Variants in SYN3 observed in about 807,000 individuals in gnomAD.
The protein encoded by SYN3 is synapsin III.
Under a neutral mutation model 65.8 loss-of-function variants are expected in SYN3, and 35 were observed. That is an observed-to-expected ratio of 0.53 (90% CI 0.41 to 0.70). The LOEUF (loss-of-function observed/expected upper bound fraction) is 0.70, where lower values mean the gene tolerates loss of function less well. SYN3 is among the 30% of genes least tolerant of loss of function. The pLI is 0.00. For synonymous variants in SYN3, 270 were observed against 292.9 expected (o/e 0.92, Z 0.80); for missense variants, 680 against 749.0 (o/e 0.91, Z 1.08).
chr22:32,554,697 T>A (rs62232692), intron 7 of SYN3, among the ~76,000 whole-genome samples: 40,663 of 152,098 alleles, frequency 0.27, 5,917 homozygotes, highest in South Asian at 0.59. Flanking sequence ...GACACAGCAG[T>A]AAGAACTAGC....
rs967362093 is a variant in SYN3 at position 32,512,305 on chromosome 22, T to C, written c.*1387A>G. Among the ~76,000 whole-genome samples, 1 of 152,182 alleles carries C rather than the reference T, an allele frequency of 6.6e-6. No individual in the cohort carries two copies. The highest frequency in any genetic ancestry group is 1.5e-5 in the Non-Finnish European group (1 of 68,026). ...CTGTGGACAGCAAAAGGAAGACATG[T>C]CTCATGTTGCGAAGTGGGAGGCAAG... On this transcript the variant is annotated 3_prime_UTR_variant, in exon 14 of 14. Transcript: ENST00000358763.
At chr22:32,539,895 C>T (rs902333922) in intron 8 of SYN3, among the ~76,000 whole-genome samples, 1 of 151,864 alleles carries the variant, frequency 6.6e-6, no homozygotes, top group Non-Finnish European at 1.5e-5. Context: ...GCCTCAGGAA[C>T]GCACTGGAAT....
At chr22:32,755,545 C>T (rs905237393) in intron 6 of SYN3, among the ~76,000 whole-genome samples, 11 of 152,162 alleles carry the variant, frequency 7.2e-5, no homozygotes, top group African/African-American at 2.4e-4. Context: ...CTTTTGACTC[C>T]GAGCTCAGCG....
Position 32,864,955 on chromosome 22 carries a change from G to C in SYN3, c.671C>G (p.Pro224Arg). ...GGGGAAAAATGTTTGCTCCACAAGC[G>C]GGAACTTCTCAGGACCCAGGGAATG... is the stretch of plus-strand genomic sequence containing the variant. ...IFHSLGPEKF[P>R]LVEQTFFPNH... Residue 224 changes from proline (P) to arginine (R), a missense_variant, in exon 6 of 14, where the codon CCG (proline) becomes CGG (arginine). Pro to Arg is a moderately radical substitution (Grantham distance 103, BLOSUM62 -2). Transcript: ENST00000358763. 6.2e-7 allele frequency: 1 copy of C among 1,614,100 alleles called. No homozygotes were observed. Among genetic ancestry groups the C allele is most frequent in the Non-Finnish European group, 8.5e-7 (1 of 1,179,992 alleles).
chr22:32,594,262 A>G (rs2059167147), intron 7 of SYN3, among the ~76,000 whole-genome samples: 1 of 152,200 alleles, frequency 6.6e-6, no homozygotes, highest in Non-Finnish European at 1.5e-5. Context: ...GCTCTGGGAT[A>G]CAGCAGTGGA....
At chr22:32,922,398 A>G (rs1488960788) in intron 4 of SYN3, among the ~76,000 whole-genome samples, 6 of 152,238 alleles carry the variant, frequency 3.9e-5, no homozygotes, top group Admixed American at 2.0e-4. Context: ...AAAGGATGAA[A>G]TGAGTTAATT....
In SYN3 at chr22:32,757,049, C is replaced by CT. The variant is rs1171718470; in HGVS notation, c.711+107865dup. ...TCCCTTAATTGACACAGTGGTTGCA[C>CT]TTTTTTTTGAGGGGGGGTGGTTTGG... is the stretch of plus-strand genomic sequence containing the variant. On this transcript the variant is annotated intron_variant, in intron 6 of 13. Coordinates refer to ENST00000358763, the MANE Select transcript of SYN3 (RefSeq NM_003490.4). Among the ~76,000 whole-genome samples, 397 of 48,678 alleles carry CT rather than the reference C, an allele frequency of 8.2e-3. 1 individual carries two copies. The highest frequency in any genetic ancestry group is 0.042 in the African/African-American group (269 of 6,348). The allele number at this position is 48,678 out of a possible 152,430, so 31.9% of individuals were successfully genotyped here.
intron 6 of SYN3, chr22:32,859,864 G>A (rs1401722176): frequency 5.5e-6 from 1 of 181,744 alleles, no homozygotes; most frequent in African/African-American, 2.4e-5. Context: ...AAGGCAGCAA[G>A]CAGATAGACT....
intron 6 of SYN3, among the ~76,000 whole-genome samples, chr22:32,651,685 G>T (rs1417243383): frequency 6.6e-6 from 1 of 152,176 alleles, no homozygotes; most frequent in Non-Finnish European, 1.5e-5. Flanking sequence ...AGACATCTCA[G>T]TTCGCCATGT....
chr22:32,975,127 A>T (rs569402668), intron 3 of SYN3, among the ~76,000 whole-genome samples: 1 of 152,164 alleles, frequency 6.6e-6, no homozygotes, highest in African/African-American at 2.4e-5. Context: ...CTGTAATCCC[A>T]TCACTTTGGG....
At chr22:32,738,750 A>T (rs1307510736) in intron 6 of SYN3, among the ~76,000 whole-genome samples, 3 of 152,362 alleles carry the variant, frequency 2.0e-5, no homozygotes, top group South Asian at 2.1e-4. Flanking sequence ...ATCAGAAGAG[A>T]GGAGTTAGCA....
chr22:32,966,158 AGT>A (rs2051837373), intron 3 of SYN3, among the ~76,000 whole-genome samples: 1 of 152,172 alleles, frequency 6.6e-6, no homozygotes, highest in Non-Finnish European at 1.5e-5. Flanking sequence ...TCATCTGGGA[AGT>A]GTGATGTAGA....
chr22:32,569,379 AATCT>A (rs368989926), intron 7 of SYN3, among the ~76,000 whole-genome samples: 2,703 of 148,560 alleles, frequency 0.018, 62 homozygotes, highest in African/African-American at 0.052. Context: ...ACCTATCTAA[AATCT>A]ATCTATCTCC....
intron 6 of SYN3, among the ~76,000 whole-genome samples, chr22:32,638,797 G>A (rs1238115280): frequency 1.3e-5 from 2 of 152,188 alleles, no homozygotes; most frequent in East Asian, 1.9e-4. Context: ...TTATTTAGCT[G>A]TGCAGAAGTT....
At chr22:32,681,193 CA>C (rs998557483) in intron 6 of SYN3, among the ~76,000 whole-genome samples, 2 of 128,956 alleles carry the variant, frequency 1.6e-5, no homozygotes, top group African/African-American at 2.6e-5. Flanking sequence ...GGTTCTCAAC[CA>C]GGGGGCCATT....
chr22:32,612,335 G>A (rs149157609), intron 6 of SYN3, among the ~76,000 whole-genome samples: 2 of 152,308 alleles, frequency 1.3e-5, no homozygotes, highest in African/African-American at 4.8e-5. Flanking sequence ...CTTCTGAAGT[G>A]GGGGACAGTC....
intron 12 of SYN3, among the ~76,000 whole-genome samples, chr22:32,524,358 T>A (rs773903107): frequency 6.6e-6 from 1 of 152,208 alleles, no homozygotes; most frequent in Non-Finnish European, 1.5e-5. Flanking sequence ...TTGGGGCTAG[T>A]GCAGCCGGTG....
At chr22:32,585,632 A>T (rs2059011796) in intron 7 of SYN3, among the ~76,000 whole-genome samples, 1 of 152,166 alleles carries the variant, frequency 6.6e-6, no homozygotes, top group Non-Finnish European at 1.5e-5. Flanking sequence ...AGGAGGTGGC[A>T]GAGGAAGATC....
intron 6 of SYN3, among the ~76,000 whole-genome samples, chr22:32,798,759 T>G (rs2046489897): frequency 7.0e-6 from 1 of 142,308 alleles, no homozygotes; most frequent in African/African-American, 2.6e-5. Context: ...TGGCATGATC[T>G]CAGCTCACTG....
Sources: allele counts gnomAD v4.1 joint callset (sites outside exome capture counted in the v4.1 genomes callset), GRCh38; gene constraint gnomAD v4.1.1; transcripts MANE v1.5; gene names NCBI Gene and HGNC (gene_info 2026-07-23, HGNC 2026-07-21).